The following CSMD1 variants were observed in gnomAD, a reference collection of about 807,000 sequenced individuals.
The protein encoded by CSMD1 is CUB and Sushi multiple domains 1.
In CSMD1, 213 loss-of-function variants were observed where a neutral mutation model predicts 417.5. The observed-to-expected ratio is 0.51, with a 90% CI of 0.46 to 0.57. CSMD1 has a LOEUF of 0.57. CSMD1 is among the 20% of genes least tolerant of loss of function. The probability of loss-of-function intolerance (pLI) is 0.00; values close to 1 mark genes in which losing one functional copy is unlikely to be tolerated. For missense variants in CSMD1, 6,923 were observed against 4,529.7 expected (o/e 1.53, Z -15.17); for synonymous variants, 2,862 against 1,736.8 (o/e 1.65, Z -16.11).
At chr8:3,673,590 G>A (rs1799202204) in intron 7 of CSMD1, among the ~76,000 whole-genome samples, 1 of 152,158 alleles carries the variant, frequency 6.6e-6, no homozygotes, top group Admixed American at 6.6e-5. Context: ...TTGATTCAGA[G>A]CTAATTTTAA....
At chr8:4,192,692 A>G (rs560118333) in intron 3 of CSMD1, among the ~76,000 whole-genome samples, 2 of 152,258 alleles carry the variant, frequency 1.3e-5, no homozygotes, top group Admixed American at 6.5e-5. Context: ...TTAAATCTGT[A>G]TTGCTCACCA....
chr8:4,203,340 T>G (rs1799778268), intron 3 of CSMD1, among the ~76,000 whole-genome samples: 1 of 152,120 alleles, frequency 6.6e-6, no homozygotes, highest in Non-Finnish European at 1.5e-5. Flanking sequence ...ATCTGCAGGT[T>G]AGAAGCCAAC....
intron 1 of CSMD1, among the ~76,000 whole-genome samples, chr8:4,964,825 C>A (rs1009564027): frequency 6.6e-6 from 1 of 152,164 alleles, no homozygotes; most frequent in South Asian, 2.1e-4. Flanking sequence ...TGTGCACCCA[C>A]GATGGACTTT....
At chr8:3,356,585 G>T (rs748710625) in intron 21 of CSMD1, among the ~76,000 whole-genome samples, 1 of 152,232 alleles carries the variant, frequency 6.6e-6, no homozygotes, top group African/African-American at 2.4e-5. Context: ...TGAGGCAGGA[G>T]AATTGCTTGA....
intron 5 of CSMD1, among the ~76,000 whole-genome samples, chr8:3,846,377 C>A (rs1354538354): frequency 6.6e-6 from 1 of 152,160 alleles, no homozygotes. Context: ...TTATGTGGTG[C>A]ATGACTCTAC....
chr8:4,200,501 A>G (rs917663117), intron 3 of CSMD1, among the ~76,000 whole-genome samples: 9 of 152,306 alleles, frequency 5.9e-5, no homozygotes, highest in Admixed American at 3.3e-4. Flanking sequence ...CACTTAGGTA[A>G]AAAATGAGAA....
chr8:4,572,696 A>G (rs746317345), intron 2 of CSMD1, among the ~76,000 whole-genome samples: 1 of 152,168 alleles, frequency 6.6e-6, no homozygotes, highest in Non-Finnish European at 1.5e-5. Flanking sequence ...CTCCTGGATA[A>G]TATCCTGAAG....
At chr8:3,731,018 C>T (rs1563319596) in intron 6 of CSMD1, among the ~76,000 whole-genome samples, 1 of 152,184 alleles carries the variant, frequency 6.6e-6, no homozygotes, top group African/African-American at 2.4e-5. Flanking sequence ...ATTGAACCTA[C>T]AGATACCCAT....
chr8:4,035,481 GA>G (rs1298825234), intron 3 of CSMD1, among the ~76,000 whole-genome samples: 2 of 152,200 alleles, frequency 1.3e-5, no homozygotes, highest in Non-Finnish European at 2.9e-5. Context: ...CCTAGGAGAT[GA>G]AAGCTCCATA....
At chr8:3,512,034 C>G (rs894289615) in intron 10 of CSMD1, among the ~76,000 whole-genome samples, 1 of 152,098 alleles carries the variant, frequency 6.6e-6, no homozygotes, top group Non-Finnish European at 1.5e-5. Context: ...CCTGGGCATT[C>G]CCCATCACCG....
At chr8:4,601,668 C>T (rs1800592273) in intron 2 of CSMD1, among the ~76,000 whole-genome samples, 1 of 152,162 alleles carries the variant, frequency 6.6e-6, no homozygotes, top group Non-Finnish European at 1.5e-5. Context: ...ATTATTTCTC[C>T]ATACCCCTCA....
chr8:4,640,363 A>C (rs555682099), intron 1 of CSMD1, among the ~76,000 whole-genome samples: 1 of 152,378 alleles, frequency 6.6e-6, no homozygotes, highest in East Asian at 1.9e-4. Context: ...TTGGTCTGCA[A>C]CTTAATACTG....
intron 1 of CSMD1, among the ~76,000 whole-genome samples, chr8:4,961,398 A>C (rs1809472902): frequency 6.6e-6 from 1 of 152,042 alleles, no homozygotes. Flanking sequence ...GTTTGTCTCA[A>C]CTTCACTTTT....
intron 1 of CSMD1, among the ~76,000 whole-genome samples, chr8:4,669,699 T>C (rs1805171557): frequency 6.6e-6 from 1 of 152,214 alleles, no homozygotes; most frequent in South Asian, 2.1e-4. Context: ...CTTGAACATT[T>C]CTGCTGTTTC....
At chr8:4,795,251 G>GTTTTTTTTTT (rs1797912090) in intron 1 of CSMD1, among the ~76,000 whole-genome samples, 1 of 85,246 alleles carries the variant, frequency 1.2e-5, no homozygotes, top group Non-Finnish European at 2.5e-5. Context: ...TGGTGTCATA[G>GTTTTTTTTTT]CTTTTTTTTT....
At position 4,372,757 on chromosome 8, in the gene CSMD1, AG is replaced by A. The variant is rs1277385186; in HGVS notation, c.415+47195del. On this transcript the variant is annotated intron_variant, in intron 3 of 69. Transcript: ENST00000635120. ...AAATGGAGGCAAAAGAAAAAAAAAAAGTAGCATTGGATAACCCAAAGTGTAC... is the reference window on the plus strand; with the variant it reads ...AAATGGAGGCAAAAGAAAAAAAAAAATAGCATTGGATAACCCAAAGTGTAC... Among the ~76,000 whole-genome samples the A allele has an allele frequency of 4.0e-5, 6 of 150,192 alleles. No homozygotes were observed. The South Asian group carries it at 1.3e-3, about 31-fold the overall frequency.
At chr8:4,344,095 G>C (rs1000335942) in intron 3 of CSMD1, among the ~76,000 whole-genome samples, 6 of 152,124 alleles carry the variant, frequency 3.9e-5, no homozygotes, top group Non-Finnish European at 2.9e-5. Flanking sequence ...CGGTATACCA[G>C]CACCTCGAGT....
At chr8:3,425,358 G>C (rs1374846953) in intron 12 of CSMD1, among the ~76,000 whole-genome samples, 1 of 151,862 alleles carries the variant, frequency 6.6e-6, no homozygotes, top group East Asian at 2.0e-4. Context: ...GGGAGGCTGA[G>C]GTGCGTGGAT....
Position 4,387,115 on chromosome 8 carries a change from G to C in CSMD1, c.415+32838C>G, listed in dbSNP as rs970413460. Reference sequence around the variant, plus strand: ...TTAATAGAGTTAGGATAAATGGAAAGTTTCTGTAAAACGGAATGAAGGAAA... The same window carrying C: ...TTAATAGAGTTAGGATAAATGGAAACTTTCTGTAAAACGGAATGAAGGAAA... On this transcript the variant is annotated intron_variant, in intron 3 of 69. Coordinates refer to ENST00000635120, the MANE Select transcript of CSMD1 (RefSeq NM_033225.6). Among the ~76,000 whole-genome samples the C allele has an allele frequency of 2.0e-5, 3 of 152,168 alleles. No homozygotes were observed. The South Asian group carries it at 6.2e-4, about 31-fold the overall frequency.
Sources: gnomAD v4.1 joint callset for allele counts (sites outside exome capture counted in the v4.1 genomes callset) on GRCh38, gnomAD v4.1.1 for gene constraint, MANE v1.5 for transcripts, NCBI Gene and HGNC (gene_info 2026-07-23, HGNC 2026-07-21) for gene names.